The following WWOX variants were observed in gnomAD, a reference collection of about 807,000 sequenced individuals.
The protein encoded by WWOX is WW domain containing oxidoreductase, also known as WW domain-containing oxidoreductase.
In WWOX, 69 loss-of-function variants were observed where a neutral mutation model predicts 46.2. That is an observed-to-expected ratio of 1.49 (90% CI 1.23 to 1.82). The LOEUF is 1.82. Among genes scored for constraint, WWOX ranks in the 40% most tolerant of loss-of-function variants. WWOX has a pLI of 0.00. For synonymous variants in WWOX, 359 were observed against 202.6 expected, an observed-to-expected ratio of 1.77 and a Z score of -6.56; for missense variants, 919 against 542.6, an observed-to-expected ratio of 1.69 and a Z score of -6.89.
intron 5 of WWOX, among the ~76,000 whole-genome samples, chr16:78,202,560 T>G (rs2036265255): frequency 6.6e-6 from 1 of 152,238 alleles, no homozygotes; most frequent in East Asian, 1.9e-4. Flanking sequence ...ATCAGTTTTC[T>G]GTTTGGGGAA....
intron 4 of WWOX, among the ~76,000 whole-genome samples, chr16:78,143,890 C>T (rs375356136): frequency 3.3e-5 from 5 of 151,492 alleles, no homozygotes; most frequent in African/African-American, 9.7e-5. Flanking sequence ...GCTCACTTCA[C>T]GTTTCGGATC....
At chr16:78,151,961 C>T (rs987888290) in intron 4 of WWOX, among the ~76,000 whole-genome samples, 2 of 152,104 alleles carry the variant, frequency 1.3e-5, no homozygotes, top group African/African-American at 4.8e-5. Flanking sequence ...GAGGCCGAGG[C>T]GGGCAGATCA....
intron 8 of WWOX, among the ~76,000 whole-genome samples, chr16:78,440,695 C>A (rs1466592808): frequency 2.6e-5 from 4 of 151,906 alleles, no homozygotes; most frequent in Non-Finnish European, 5.9e-5. Context: ...CGGCTCACTG[C>A]AACCTCCGCG....
chr16:78,140,118 T>C (rs1275593713), intron 4 of WWOX, among the ~76,000 whole-genome samples: 1 of 152,178 alleles, frequency 6.6e-6, no homozygotes, highest in Non-Finnish European at 1.5e-5. Context: ...GGCCATCTGG[T>C]TGCATTTGTG....
rs79668015 is a variant in WWOX, at chr16:78,106,852, C to T, written c.108-1571C>T. Among the ~76,000 whole-genome samples, 894 of 152,270 alleles carry T rather than the reference C, an allele frequency of 5.9e-3. 9 individuals are homozygous for T. The highest frequency in any genetic ancestry group is 0.021 in the African/African-American group (857 of 41,554). ...GCACTGTCACAGGTGTCATGTGTCT[C>T]GCCTTTTCAGCAGCTCTGTGAGGTG... is the stretch of plus-strand genomic sequence containing the variant. On this transcript the variant is annotated intron_variant, in intron 1 of 8. Transcript: ENST00000566780.
At chr16:78,904,937 G>T (rs1347165237) in intron 8 of WWOX, among the ~76,000 whole-genome samples, 3 of 152,056 alleles carry the variant, frequency 2.0e-5, no homozygotes, top group Non-Finnish European at 4.4e-5. Flanking sequence ...TGCCCCTGTT[G>T]GTTTTCCAAA....
intron 8 of WWOX, among the ~76,000 whole-genome samples, chr16:78,594,101 ACTTCTCAACTC>A (rs374159252): frequency 6.6e-6 from 1 of 152,032 alleles, no homozygotes; most frequent in Non-Finnish European, 1.5e-5. Context: ...TGATAAAGTC[ACTTCTCAACTC>A]CTTCTCAACT....
intron 8 of WWOX, among the ~76,000 whole-genome samples, chr16:79,172,406 C>T (rs2050717089): frequency 6.6e-6 from 1 of 152,164 alleles, no homozygotes. Flanking sequence ...CACTTCAATG[C>T]CTTGTGTTTC....
intron 8 of WWOX, chr16:78,890,950 C>G (rs993836606): frequency 2.0e-5 from 3 of 152,168 alleles, no homozygotes; most frequent in African/African-American, 7.2e-5. Context: ...TTGGCTCACA[C>G]TGTTTGAGGA....
At chr16:78,827,291 C>T (rs78170865) in intron 8 of WWOX, among the ~76,000 whole-genome samples, 2,440 of 152,184 alleles carry the variant, frequency 0.016, 64 homozygotes, top group East Asian at 0.054. Flanking sequence ...AAGAGCTTCA[C>T]GCAGATGACA....
At position 78,385,918 on chromosome 16, in the gene WWOX, A is replaced by C. The variant is rs139822774; in HGVS notation, c.517-942A>C. Among the ~76,000 whole-genome samples, 16 of 152,310 alleles carry C rather than the reference A, an allele frequency of 1.1e-4. No homozygotes were observed. In the East Asian group the frequency reaches 3.1e-3, roughly 29 times the overall value. On this transcript the variant is annotated intron_variant, in intron 5 of 8. Coordinates refer to ENST00000566780, the MANE Select transcript of WWOX (RefSeq NM_016373.4). ...GCACTCCGAAGCGCACCCAGATTTA[A>C]AAGTTGGGAGTGGCCCATACACAGA...
chr16:78,468,990 G>C (rs2084154600), intron 8 of WWOX, among the ~76,000 whole-genome samples: 1 of 152,190 alleles, frequency 6.6e-6, no homozygotes, highest in Non-Finnish European at 1.5e-5. Context: ...TGAATGACTT[G>C]ACTTAGCTAT....
chr16:78,660,263 C>T (rs1394758819), intron 8 of WWOX, among the ~76,000 whole-genome samples: 1 of 152,088 alleles, frequency 6.6e-6, no homozygotes, highest in Non-Finnish European at 1.5e-5. Flanking sequence ...TGCGGACTGG[C>T]CACTGTGAGC....
chr16:78,616,395 GT>G (rs1320831772), intron 8 of WWOX, among the ~76,000 whole-genome samples: 7 of 152,080 alleles, frequency 4.6e-5, no homozygotes, highest in Non-Finnish European at 8.8e-5. Context: ...GTGAGGATTT[GT>G]TTTTGATCTC....
At chr16:78,380,458 T>A (rs2081929442) in intron 5 of WWOX, among the ~76,000 whole-genome samples, 1 of 152,102 alleles carries the variant, frequency 6.6e-6, no homozygotes. Flanking sequence ...CTGAAATGGT[T>A]GTTGTTTTGA....
At chr16:78,177,463 A>C (rs575791964) in intron 5 of WWOX, among the ~76,000 whole-genome samples, 124 of 152,318 alleles carry the variant, frequency 8.1e-4, no homozygotes, top group African/African-American at 2.9e-3. Flanking sequence ...CACGTGCTTT[A>C]AAGCAGGATG....
chr16:78,971,586 C>G (rs1352725279), intron 8 of WWOX, among the ~76,000 whole-genome samples: 1 of 151,904 alleles, frequency 6.6e-6, no homozygotes, highest in African/African-American at 2.4e-5. Context: ...AAGTGTGCTT[C>G]CCAGAAGAGC....
At chr16:78,334,731 A>G (rs1458435758) in intron 5 of WWOX, among the ~76,000 whole-genome samples, 1 of 151,840 alleles carries the variant, frequency 6.6e-6, no homozygotes, top group Non-Finnish European at 1.5e-5. Context: ...ATGCTAACCC[A>G]TATGGGAGAA....
At chr16:79,128,212 A>C (rs1219020985) in intron 8 of WWOX, among the ~76,000 whole-genome samples, 5 of 152,166 alleles carry the variant, frequency 3.3e-5, no homozygotes, top group African/African-American at 1.2e-4. Context: ...GCAAAAGCTT[A>C]ATGTTGTTTG....
Sources: gnomAD v4.1 joint callset for allele counts (sites outside exome capture counted in the v4.1 genomes callset) on GRCh38, gnomAD v4.1.1 for gene constraint, MANE v1.5 for transcripts, NCBI Gene and HGNC (gene_info 2026-07-23, HGNC 2026-07-21) for gene names.